DNAH11: variants seen among roughly 807,000 people sequenced by gnomAD.
The protein encoded by DNAH11 is dynein axonemal heavy chain 11.
Under a neutral mutation model 526.0 loss-of-function variants are expected in DNAH11, and 442 were observed. The observed-to-expected ratio is 0.84, with a 90% CI of 0.78 to 0.91. The LOEUF is 0.91. DNAH11 is among the 40% of genes least tolerant of loss of function. The pLI is 0.00. For missense variants in DNAH11, 6,989 were observed against 5,448.7 expected (o/e 1.28, Z -8.90); for synonymous variants, 2,461 against 1,935.9 (o/e 1.27, Z -7.12).
intron 2 of DNAH11, among the ~76,000 whole-genome samples, chr7:21,549,201 T>C (rs897469232): frequency 2.9e-4 from 44 of 152,186 alleles, no homozygotes; most frequent in African/African-American, 1.0e-3. Flanking sequence ...TTATAAGTCT[T>C]ATTTCCCCAT....
chr7:21,896,898 A>G (rs1455034091), intron 79 of DNAH11, among the ~76,000 whole-genome samples: 2 of 151,922 alleles, frequency 1.3e-5, no homozygotes, highest in African/African-American at 2.4e-5. Flanking sequence ...GTCTCTAAAA[A>G]ACAATAATAA....
chr7:21,656,028 C>CATACTCTCTTATGCAT (rs753024910), intron 29 of DNAH11, 47 bp downstream of exon 29: 1 of 1,521,924 alleles, frequency 6.6e-7, no homozygotes, highest in East Asian at 2.3e-5. Flanking sequence ...GTATTTTCAG[C>CATACTCTCTTATGCAT]ATGCTCTTAG....
chr7:21,552,100 C>T (rs559718002), intron 2 of DNAH11, among the ~76,000 whole-genome samples: 5 of 152,182 alleles, frequency 3.3e-5, no homozygotes, highest in Non-Finnish European at 7.4e-5. Flanking sequence ...CAACAGGTTC[C>T]CTCTTCCCTC....
At chr7:21,847,471 A>G (rs895032600) in intron 66 of DNAH11, among the ~76,000 whole-genome samples, 1 of 152,064 alleles carries the variant, frequency 6.6e-6, no homozygotes, top group Non-Finnish European at 1.5e-5. Context: ...GTGTTGTTTA[A>G]TCTCCAAATA....
intron 2 of DNAH11, among the ~76,000 whole-genome samples, chr7:21,555,878 G>A (rs1186858627): frequency 2.0e-5 from 3 of 152,100 alleles, no homozygotes; most frequent in African/African-American, 4.8e-5. Context: ...GATCCCAGAC[G>A]GGCCCCCAAG....
At chr7:21,776,010 T>C (rs7811754) in intron 56 of DNAH11, among the ~76,000 whole-genome samples, 28,910 of 152,164 alleles carry the variant, frequency 0.19, 3,152 homozygotes, top group Non-Finnish European at 0.24. Flanking sequence ...TCCTGGACCA[T>C]TCCAGTGGTG....
chr7:21,769,704 C>T (rs1787341350), intron 55 of DNAH11, among the ~76,000 whole-genome samples: 1 of 152,016 alleles, frequency 6.6e-6, no homozygotes, highest in Non-Finnish European at 1.5e-5. Flanking sequence ...AGGCTGGTCT[C>T]AAACTCTTGA....
At chr7:21,840,430 A>G (rs1333848391) in intron 65 of DNAH11, among the ~76,000 whole-genome samples, 1 of 152,240 alleles carries the variant, frequency 6.6e-6, no homozygotes, top group Non-Finnish European at 1.5e-5. Context: ...TATACACTTA[A>G]TAATGAAGAA....
rs574183226 is a variant in DNAH11 at position 21,584,434 on chromosome 7, G to A, written c.1710+2413G>A. 3.9e-5 allele frequency among the ~76,000 whole-genome samples: 6 copies of A among 152,250 alleles called. No individual in the cohort carries two copies. In the East Asian group the frequency reaches 1.2e-3, roughly 29 times the overall value. On this transcript the variant is annotated intron_variant, in intron 9 of 81. Transcript: ENST00000409508. ...CACACACCAGGGGATGTCAGGGAGT[G>A]GGGGGCTAGGGGAGAGGTAGCATTA...
rs189448881 is a variant in DNAH11, at chr7:21,891,623, A to C, written c.12508-802A>C. On this transcript the variant is annotated intron_variant, in intron 76 of 81. Transcript: ENST00000409508. Reference sequence around the variant, plus strand: ...ATTGCTATTCACATTGCCTTTGTTCAAAACTTCCCCCTAAATTGAATGTCT... The same window carrying C: ...ATTGCTATTCACATTGCCTTTGTTCCAAACTTCCCCCTAAATTGAATGTCT... Among the ~76,000 whole-genome samples the C allele has an allele frequency of 4.3e-3, 661 of 152,292 alleles. 15 individuals carry two copies. Among genetic ancestry groups the C allele is most frequent in the Admixed American group, 0.038 (579 of 15,300 alleles).
At chr7:21,680,325 A>G (rs1237225085) in intron 30 of DNAH11, among the ~76,000 whole-genome samples, 2 of 152,228 alleles carry the variant, frequency 1.3e-5, no homozygotes, top group Non-Finnish European at 2.9e-5. Flanking sequence ...GTCCTTTTGC[A>G]GAGCTGAAGA....
chr7:21,612,322 G>A (rs552236085), intron 20 of DNAH11, among the ~76,000 whole-genome samples: 21 of 152,136 alleles, frequency 1.4e-4, no homozygotes, highest in East Asian at 5.8e-4. Context: ...TTGGGAGGCC[G>A]AGGTGGGCAG....
intron 28 of DNAH11, among the ~76,000 whole-genome samples, chr7:21,640,104 A>C (rs1250477537): frequency 6.6e-6 from 1 of 152,188 alleles, no homozygotes; most frequent in Admixed American, 6.5e-5. Flanking sequence ...TTGTTGGACA[A>C]TTTGGGCAAC....
chr7:21,604,483 G>A (rs1485501549), intron 18 of DNAH11, among the ~76,000 whole-genome samples: 1 of 152,010 alleles, frequency 6.6e-6, no homozygotes, highest in African/African-American at 2.4e-5. Context: ...CCCGAATGCT[G>A]TCCAGTTTCC....
chr7:21,621,579 T>C (rs2128454793), intron 25 of DNAH11, among the ~76,000 whole-genome samples: 1 of 152,170 alleles, frequency 6.6e-6, no homozygotes, highest in East Asian at 1.9e-4. Context: ...CTCAGTAAAA[T>C]ACTGGCAAAC....
chr7:21,890,703 C>T (rs59756524), intron 76 of DNAH11, among the ~76,000 whole-genome samples: 5,424 of 152,138 alleles, frequency 0.036, 464 homozygotes, highest in East Asian at 0.23. Context: ...CTCTCCTGTA[C>T]CATTTTATTT....
At chr7:21,732,457 T>C (rs1466473969) in intron 45 of DNAH11, among the ~76,000 whole-genome samples, 1 of 152,150 alleles carries the variant, frequency 6.6e-6, no homozygotes, top group Non-Finnish European at 1.5e-5. Flanking sequence ...GACATGAATG[T>C]TGGGGGGACA....
At position 21,873,309 on chromosome 7, in the gene DNAH11, G is replaced by A; in HGVS notation, c.12003G>A (p.Leu4001=). Residue 4001 remains leucine, a synonymous_variant, in exon 74 of 82, where the codon TTG becomes TTA. Transcript: ENST00000409508. ...VHLVAKWLGT[L]EKLLERFSQG... is the part of the protein sequence containing the mutation. ...TGGTAGCCAAGTGGCTAGGAACCTT[G>A]GAGAAGCTCCTTGAAAGATTCAGCC... 6.2e-7 allele frequency: 1 copy of A among 1,605,114 alleles called. No individual in the cohort carries two copies. Among genetic ancestry groups the A allele is most frequent in the South Asian group, 1.1e-5 (1 of 89,628 alleles).
chr7:21,751,270 G>A (rs1335171697), intron 54 of DNAH11, among the ~76,000 whole-genome samples: 1 of 152,168 alleles, frequency 6.6e-6, no homozygotes, highest in South Asian at 2.1e-4. Flanking sequence ...GTTGCAGTGA[G>A]CCAAGATCGC....
Sources: gnomAD v4.1 joint callset for allele counts (sites outside exome capture counted in the v4.1 genomes callset) on GRCh38, gnomAD v4.1.1 for gene constraint, MANE v1.5 for transcripts, NCBI Gene and HGNC (gene_info 2026-07-23, HGNC 2026-07-21) for gene names.